CELF2: variants seen among roughly 807,000 people sequenced by gnomAD.
The protein encoded by CELF2 is CUGBP Elav-like family member 2, also known as CUG triplet repeat RNA-binding protein 2.
CELF2 carries 8 observed loss-of-function variants against 62.6 expected under a neutral mutation model. That is an observed-to-expected ratio of 0.13 (90% CI 0.07 to 0.23). The LOEUF is 0.23. Among genes scored for constraint, CELF2 ranks in the 10% least tolerant of loss-of-function variants. The pLI is 1.00. For missense variants in CELF2, 333 were observed against 671.0 expected (o/e 0.50, Z 5.56); for synonymous variants, 258 against 250.0 (o/e 1.03, Z -0.30).
chr10:10,571,488 GC>G, the CELF2 span, among the ~76,000 whole-genome samples: 1 of 151,998 alleles, frequency 6.6e-6, no homozygotes, highest in Non-Finnish European at 1.5e-5. Flanking sequence ...TGGCAAATAG[GC>G]TTTTGCCACA....
chr10:11,212,930 T>C (rs2062294674), intron 2 of CELF2, among the ~76,000 whole-genome samples: 1 of 152,122 alleles, frequency 6.6e-6, no homozygotes, highest in South Asian at 2.1e-4. Flanking sequence ...AATCGTCCCA[T>C]GCAGGTGCTT....
the CELF2 span, among the ~76,000 whole-genome samples, chr10:10,642,128 T>G: frequency 6.6e-6 from 1 of 152,216 alleles, no homozygotes; most frequent in Non-Finnish European, 1.5e-5. Context: ...TTGCCAGATA[T>G]AGCATGAAGA....
chr10:11,194,322 C>A (rs552859659), intron 2 of CELF2, among the ~76,000 whole-genome samples: 1 of 152,152 alleles, frequency 6.6e-6, no homozygotes, highest in African/African-American at 2.4e-5. Flanking sequence ...CCTCGGCTTC[C>A]CAAAGTGCTG....
chr10:10,801,914 A>G (rs1053049215), intron 1 of CELF2, among the ~76,000 whole-genome samples: 1 of 152,168 alleles, frequency 6.6e-6, no homozygotes, highest in African/African-American at 2.4e-5. Flanking sequence ...AAATCGCTCC[A>G]TCCTTGTTCC....
the CELF2 span, among the ~76,000 whole-genome samples, chr10:10,588,491 G>A: frequency 3.3e-5 from 5 of 152,096 alleles, no homozygotes; most frequent in Admixed American, 2.6e-4. Flanking sequence ...TACCACCCTG[G>A]GATACCCAGA....
intron 3 of CELF2, among the ~76,000 whole-genome samples, chr10:11,231,025 C>CT (rs1218820082): frequency 6.6e-6 from 1 of 152,176 alleles, no homozygotes; most frequent in Non-Finnish European, 1.5e-5. Flanking sequence ...ATGTAACTAC[C>CT]ACATGAATGC....
At chr10:10,892,381 T>C (rs989866163) in intron 1 of CELF2, among the ~76,000 whole-genome samples, 7 of 152,020 alleles carry the variant, frequency 4.6e-5, no homozygotes, top group Non-Finnish European at 1.0e-4. Flanking sequence ...TCCCCAGAGC[T>C]CCTCATCTCC....
the CELF2 span, among the ~76,000 whole-genome samples, chr10:10,555,205 G>A: frequency 6.6e-6 from 1 of 151,920 alleles, no homozygotes; most frequent in Admixed American, 6.6e-5. Context: ...GAACAATTAG[G>A]CAACCAAGAG....
the CELF2 span, among the ~76,000 whole-genome samples, chr10:10,597,114 C>T: frequency 6.6e-6 from 1 of 152,184 alleles, no homozygotes; most frequent in Non-Finnish European, 1.5e-5. Flanking sequence ...AAACTCCATC[C>T]TCCCAACCTC....
At chr10:11,196,739 C>T (rs1487285832) in intron 2 of CELF2, among the ~76,000 whole-genome samples, 4 of 151,786 alleles carry the variant, frequency 2.6e-5, no homozygotes, top group African/African-American at 4.8e-5. Context: ...AGGCAGATCA[C>T]GAGGTCAGGA....
At chr10:10,977,620 A>G (rs189989871) in intron 2 of CELF2, among the ~76,000 whole-genome samples, 3 of 152,328 alleles carry the variant, frequency 2.0e-5, no homozygotes, top group Admixed American at 6.5e-5. Context: ...ATTTTTCTGA[A>G]TGTCATCCCC....
At chr10:11,245,099 G>C (rs4750033) in intron 3 of CELF2, among the ~76,000 whole-genome samples, 2 of 152,070 alleles carry the variant, frequency 1.3e-5, no homozygotes, top group Non-Finnish European at 2.9e-5. Context: ...GTGAATAAAC[G>C]AGCAGTCATA....
At chr10:10,962,183 G>T (rs1430117590) in intron 2 of CELF2, among the ~76,000 whole-genome samples, 1 of 151,996 alleles carries the variant, frequency 6.6e-6, no homozygotes, top group Non-Finnish European at 1.5e-5. Context: ...AAAGAGGGAG[G>T]CTCTCCTCTC....
chr10:11,196,208 G>C (rs567062885), intron 2 of CELF2, among the ~76,000 whole-genome samples: 1 of 152,352 alleles, frequency 6.6e-6, no homozygotes, highest in East Asian at 1.9e-4. Context: ...TGGGAAGCAC[G>C]TGAGCAGCGT....
At chr10:10,736,396 C>CTTTCTTTCTTTTTTT in the CELF2 span, among the ~76,000 whole-genome samples, 1 of 75,992 alleles carries the variant, frequency 1.3e-5, no homozygotes, top group African/African-American at 5.0e-5. Flanking sequence ...TTCTTTCTTT[C>CTTTCTTTCTTTTTTT]TTTTTTTTTT....
At chr10:10,873,648 T>C (rs552426130) in intron 1 of CELF2, among the ~76,000 whole-genome samples, 3 of 152,358 alleles carry the variant, frequency 2.0e-5, no homozygotes, top group African/African-American at 7.2e-5. Context: ...ACAACTTGAA[T>C]GGGTTTTTAA....
At position 10,997,616 on chromosome 10, in the gene CELF2, G is replaced by A. The variant is rs1190265225; in HGVS notation, c.89+77617G>A. Among the ~76,000 whole-genome samples the A allele has an allele frequency of 1.3e-5, 2 of 152,208 alleles. No homozygotes were observed. The highest frequency in any genetic ancestry group is 1.5e-5 in the Non-Finnish European group (1 of 68,028). ...CGTAGTTTCTCTGACCTGGCACTTTGAGCAGGAAGAAAGGGAGTTGCTTGT... is the reference window on the plus strand; with the variant it reads ...CGTAGTTTCTCTGACCTGGCACTTTAAGCAGGAAGAAAGGGAGTTGCTTGT... On this transcript the variant is annotated intron_variant, in intron 2 of 13. Transcript: ENST00000636488. This position sits in a 1 kb window ranked among gnomAD's most constrained non-coding sequence, Gnocchi z 5.3.
chr10:10,485,659 G>A, the CELF2 span, among the ~76,000 whole-genome samples: 11 of 152,206 alleles, frequency 7.2e-5, no homozygotes, highest in African/African-American at 2.7e-4. Flanking sequence ...CTCATGAGAT[G>A]TTATGAGGGT....
upstream of CELF2, chr10:11,017,791 G>C (rs1164008300): frequency 4.5e-6 from 1 of 220,688 alleles, no homozygotes; most frequent in Non-Finnish European, 7.6e-6. This position sits in a 1 kb window ranked among gnomAD's most constrained non-coding sequence, Gnocchi z 5.5. Context: ...GTGTCCCCGC[G>C]GGGCGGAGCC....
Sources: allele counts gnomAD v4.1 joint callset (sites outside exome capture counted in the v4.1 genomes callset), GRCh38; gene constraint gnomAD v4.1.1; non-coding constraint Gnocchi (gnomAD v3.1); transcripts MANE v1.5; gene names NCBI Gene and HGNC (gene_info 2026-07-23, HGNC 2026-07-21).